The following MBOAT1 variants were observed in gnomAD, a reference collection of about 807,000 sequenced individuals.
MBOAT1 encodes membrane bound glycerophospholipid O-acyltransferase 1, also known as membrane-bound glycerophospholipid O-acyltransferase 1.
A neutral mutation model predicts 64.4 loss-of-function variants in MBOAT1; 67 were observed. The observed-to-expected ratio is 1.04, with a 90% CI of 0.85 to 1.27. The LOEUF is 1.27. Ranked by LOEUF, MBOAT1 falls within the 50% of genes most tolerant of loss-of-function variation. The pLI is 0.00. For missense variants in MBOAT1, 563 were observed against 604.6 expected (o/e 0.93, Z 0.72); for synonymous variants, 229 against 218.9 (o/e 1.05, Z -0.41).
chr6:20,186,027 C>G (rs1441794538), intron 1 of MBOAT1, among the ~76,000 whole-genome samples: 1 of 152,100 alleles, frequency 6.6e-6, no homozygotes, highest in African/African-American at 2.4e-5. Context: ...AAAAAAAATA[C>G]AAAATATTAG....
intron 2 of MBOAT1, among the ~76,000 whole-genome samples, chr6:20,152,350 T>G (rs1435126586): frequency 1.6e-5 from 1 of 61,846 alleles, no homozygotes; most frequent in African/African-American, 5.6e-5. Flanking sequence ...AAAAAATAAA[T>G]AAATAAATAA....
intron 1 of MBOAT1, among the ~76,000 whole-genome samples, chr6:20,197,588 A>G (rs1762993323): frequency 6.6e-6 from 1 of 152,188 alleles, no homozygotes; most frequent in African/African-American, 2.4e-5. Flanking sequence ...AGAAACTCAA[A>G]AGAATGCAAC....
At chr6:20,103,588 C>T (rs1246634682) in intron 12 of MBOAT1, among the ~76,000 whole-genome samples, 2 of 152,058 alleles carry the variant, frequency 1.3e-5, no homozygotes, top group South Asian at 2.1e-4. Context: ...CCACCACGCT[C>T]GGCCAATTTT....
intron 1 of MBOAT1, among the ~76,000 whole-genome samples, chr6:20,211,063 G>A (rs991282663): frequency 1.3e-5 from 2 of 152,144 alleles, no homozygotes; most frequent in Non-Finnish European, 2.9e-5. Context: ...TGATGAGAAC[G>A]CAATGGTCAC....
At position 20,109,855 on chromosome 6, in the gene MBOAT1, G is replaced by A; in HGVS notation, c.1210-106C>T. The A allele has an allele frequency of 3.4e-6, 3 of 878,356 alleles. No homozygotes were observed. The South Asian group carries it at 7.7e-5, about 23-fold the overall frequency. 54.4% of individuals were successfully genotyped at this position (878,356 alleles called of 1,614,324 possible). On this transcript the variant is annotated intron_variant, in intron 11 of 12. Transcript: ENST00000324607. ...TGCCACAGGAACATGGGCTACAGAA[G>A]ATAACCAACATCTGAGTTGTATTTT...
chr6:20,169,112 C>A (rs1732312503), intron 1 of MBOAT1, among the ~76,000 whole-genome samples: 1 of 151,910 alleles, frequency 6.6e-6, no homozygotes, highest in Non-Finnish European at 1.5e-5. Flanking sequence ...ACGTTATCAC[C>A]CCATAGCCAT....
chr6:20,119,039 G>A (rs1315154623), intron 8 of MBOAT1, among the ~76,000 whole-genome samples: 6 of 152,270 alleles, frequency 3.9e-5, no homozygotes, highest in African/African-American at 1.2e-4. Context: ...AACCGGCTCC[G>A]CAAGAGTGAT....
At chr6:20,164,643 A>AC (rs987427507) in intron 1 of MBOAT1, among the ~76,000 whole-genome samples, 2 of 151,530 alleles carry the variant, frequency 1.3e-5, no homozygotes, top group Non-Finnish European at 2.9e-5. Flanking sequence ...TCTTTTAAAA[A>AC]AATTTTTTTT....
intron 1 of MBOAT1, among the ~76,000 whole-genome samples, chr6:20,161,856 T>A (rs1761873063): frequency 1.3e-5 from 2 of 152,144 alleles, no homozygotes; most frequent in Non-Finnish European, 2.9e-5. Flanking sequence ...AGGGCTGCCA[T>A]GACAAAATAC....
At chr6:20,163,850 C>T (rs2113713383) in intron 1 of MBOAT1, among the ~76,000 whole-genome samples, 1 of 152,074 alleles carries the variant, frequency 6.6e-6, no homozygotes, top group Non-Finnish European at 1.5e-5. Flanking sequence ...AAATAAGAGC[C>T]TGAGTAAAGA....
chr6:20,135,580 C>A (rs1467942048), intron 4 of MBOAT1, among the ~76,000 whole-genome samples: 1 of 152,166 alleles, frequency 6.6e-6, no homozygotes, highest in African/African-American at 2.4e-5. Flanking sequence ...GTTCTGATGT[C>A]CCAGTAAAGG....
chr6:20,191,471 G>C (rs943218446), intron 1 of MBOAT1, among the ~76,000 whole-genome samples: 1 of 152,160 alleles, frequency 6.6e-6, no homozygotes, highest in African/African-American at 2.4e-5. Context: ...TAGGTTCAAG[G>C]CCACACTTTC....
Position 20,116,153 on chromosome 6 carries a change from G to A in MBOAT1, c.1012-801C>T, listed in dbSNP as rs188914221. On this transcript the variant is annotated intron_variant, in intron 9 of 12. Transcript: ENST00000324607. ...TCAAGACCAGCCTGGCCAACATGGCGAAACCCAGTCTCTACTAAAAATACA... is the reference window on the plus strand; with the variant it reads ...TCAAGACCAGCCTGGCCAACATGGCAAAACCCAGTCTCTACTAAAAATACA... Among the ~76,000 whole-genome samples the A allele has an allele frequency of 4.2e-3, 643 of 152,102 alleles. 5 individuals are homozygous for A. Among genetic ancestry groups the A allele is most frequent in the African/African-American group, 0.015 (624 of 41,508 alleles).
At chr6:20,138,416 T>C (rs1395770574) in intron 4 of MBOAT1, among the ~76,000 whole-genome samples, 1 of 152,176 alleles carries the variant, frequency 6.6e-6, no homozygotes, top group African/African-American at 2.4e-5. Flanking sequence ...AAAATAAACA[T>C]CTCTTGAGGA....
intron 1 of MBOAT1, among the ~76,000 whole-genome samples, chr6:20,199,882 C>T (rs886701967): frequency 2.0e-5 from 3 of 152,120 alleles, no homozygotes; most frequent in East Asian, 3.9e-4. Context: ...GCAGGAGAAT[C>T]GCTTGAAACC....
chr6:20,135,357 A>C (rs988411572), intron 4 of MBOAT1, among the ~76,000 whole-genome samples: 1 of 152,204 alleles, frequency 6.6e-6, no homozygotes, highest in Non-Finnish European at 1.5e-5. Context: ...GTAAAAAGAA[A>C]GCTAGAACAA....
At chr6:20,124,750 A>G in intron 7 of MBOAT1, 150 bp from the exon 8 acceptor site, 1 of 672,158 alleles carries the variant, frequency 1.5e-6, no homozygotes. Flanking sequence ...CTTCCTCATG[A>G]GACAAATCTG....
At chr6:20,141,353 CTTTT>C (rs1761166005) in intron 4 of MBOAT1, among the ~76,000 whole-genome samples, 1 of 105,592 alleles carries the variant, frequency 9.5e-6, no homozygotes, top group Non-Finnish European at 1.9e-5. Flanking sequence ...TTTTCTTTTT[CTTTT>C]TCTTTTTTTT....
rs1554123531 is a variant in MBOAT1 at position 20,208,445 on chromosome 6, C to CAAAAAAAAAAGAAAA, written c.99+3690_99+3691insTTTTCTTTTTTTTTT. ...TGGGTGACAGAGCTAGACTCTGTCTCAAAAAAAAAAAGAAACTTTGTAGTC... is the reference window on the plus strand; with the variant it reads ...TGGGTGACAGAGCTAGACTCTGTCTCAAAAAAAAAAGAAAAAAAAAAAAAAAGAAACTTTGTAGTC... On this transcript the variant is annotated intron_variant, in intron 1 of 12. Coordinates refer to ENST00000324607, the MANE Select transcript of MBOAT1 (RefSeq NM_001080480.3). 1.8e-3 allele frequency among the ~76,000 whole-genome samples: 136 copies of CAAAAAAAAAAGAAAA among 74,854 alleles called. 9 individuals are homozygous for CAAAAAAAAAAGAAAA. Among genetic ancestry groups the CAAAAAAAAAAGAAAA allele is most frequent in the African/African-American group, 5.2e-3 (124 of 24,004 alleles). The allele number at this position is 74,854 out of a possible 152,430, so 49.1% of individuals were successfully genotyped here. A position where few individuals can be genotyped will look rare whatever the true frequency, so the allele number is the denominator to read the frequency against.
Sources: allele counts gnomAD v4.1 joint callset (sites outside exome capture counted in the v4.1 genomes callset), GRCh38; gene constraint gnomAD v4.1.1; transcripts MANE v1.5; gene names NCBI Gene and HGNC (gene_info 2026-07-23, HGNC 2026-07-21).